COL4A3: variants seen among roughly 807,000 people sequenced by gnomAD.
COL4A3 encodes collagen type IV alpha 3 chain, also known as collagen alpha-3(IV) chain.
Under a neutral mutation model 217.4 loss-of-function variants are expected in COL4A3, and 135 were observed. The ratio of observed to expected loss-of-function variants is 0.62; its 90% CI spans 0.54 to 0.72. The LOEUF is 0.72. Ranked by LOEUF, COL4A3 falls within the 30% of genes least tolerant of loss-of-function variation. The pLI is 0.00. For missense variants in COL4A3, 1,868 were observed against 2,119.9 expected, an observed-to-expected ratio of 0.88 and a Z score of 2.33; for synonymous variants, 690 against 736.3, an observed-to-expected ratio of 0.94 and a Z score of 1.02.
rs2073834886 is a variant in COL4A3, at chr2:227,314,327, A to G, written c.*2457A>G. On this transcript the variant is annotated 3_prime_UTR_variant, in exon 52 of 52. Transcript: ENST00000396578. ...CAGTTGCACTTCTAAGACTTTACTT[A>G]GCAGTAAATTATAGCTCATGTGCAT... 1 of 152,686 alleles carries G rather than the reference A, an allele frequency of 6.5e-6. No individual in the cohort carries two copies. The highest frequency in any genetic ancestry group is 1.5e-5 in the Non-Finnish European group (1 of 68,044). The allele number at this position is 152,686 out of a possible 1,614,324, so 9.5% of individuals were successfully genotyped here. A position where few individuals can be genotyped will look rare whatever the true frequency, so the allele number is the denominator to read the frequency against.
At chr2:227,226,078 G>A (rs2068074793) in intron 1 of COL4A3, among the ~76,000 whole-genome samples, 1 of 152,178 alleles carries the variant, frequency 6.6e-6, no homozygotes. Context: ...TCTGGAATAT[G>A]AGGACAGTAG....
intron 23 of COL4A3, 116 bp downstream of exon 23, chr2:227,267,204 G>C: frequency 1.3e-6 from 1 of 758,794 alleles, no homozygotes; most frequent in Non-Finnish European, 2.3e-6. Context: ...AACTTGGAGG[G>C]AGAGTTTCAA....
chr2:227,218,852 G>T (rs575059089), intron 1 of COL4A3, among the ~76,000 whole-genome samples: 1 of 152,076 alleles, frequency 6.6e-6, no homozygotes, highest in Admixed American at 6.5e-5. Context: ...TTGTATTTTG[G>T]TTGTAAAAAA....
chr2:227,296,097 A>C (rs1267380837), intron 41 of COL4A3, among the ~76,000 whole-genome samples: 3 of 152,224 alleles, frequency 2.0e-5, no homozygotes, highest in African/African-American at 2.4e-5. Flanking sequence ...CTGGATGCCA[A>C]TGAGAAACTC....
chr2:227,266,943 T>G, intron 22 of COL4A3, 50 bp from the exon 23 acceptor site: 2 of 1,253,448 alleles, frequency 1.6e-6, no homozygotes, highest in Middle Eastern at 3.7e-4. Flanking sequence ...TTGTTCTTTC[T>G]GAGGACTCAA....
chr2:227,312,218 A>G lies in COL4A3; in HGVS notation c.*348A>G. On this transcript the variant is annotated 3_prime_UTR_variant, in exon 52 of 52. Coordinates refer to ENST00000396578, the MANE Select transcript of COL4A3 (RefSeq NM_000091.5). Reference sequence around the variant, plus strand: ...AATATTTGGCCCGCTGGATTCCCACATTTGTCTTCTTTCTGTCTTTAAGAC... The same window carrying G: ...AATATTTGGCCCGCTGGATTCCCACGTTTGTCTTCTTTCTGTCTTTAAGAC... The G allele has an allele frequency of 1.7e-5, 5 of 286,894 alleles. No individual in the cohort carries two copies. Among genetic ancestry groups the G allele is most frequent in the South Asian group, 1.7e-4 (5 of 29,648 alleles). The allele number at this position is 286,894 out of a possible 1,614,324, so 17.8% of individuals were successfully genotyped here.
At position 227,241,037 on chromosome 2, in the gene COL4A3, T is replaced by C. The variant is rs1348071962; in HGVS notation, c.234+805T>C. Among the ~76,000 whole-genome samples the C allele has an allele frequency of 1.3e-5, 2 of 152,226 alleles. 1 individual carries two copies. Among genetic ancestry groups the C allele is most frequent in the Non-Finnish European group, 2.9e-5 (2 of 68,044 alleles). ...TTTCTCCTGTCTCTCTATCCTTCCC[T>C]TCCTTTGTGGGTTTCTCTTTTCCTT... On this transcript the variant is annotated intron_variant, in intron 3 of 51. Coordinates refer to ENST00000396578, the MANE Select transcript of COL4A3 (RefSeq NM_000091.5).
rs776228387 is a variant in COL4A3 at position 227,282,732 on chromosome 2, C to T, written c.2656+200C>T. Among the ~76,000 whole-genome samples, 1 of 152,130 alleles carries T rather than the reference C, an allele frequency of 6.6e-6. No homozygotes were observed. The highest frequency in any genetic ancestry group is 1.5e-5 in the Non-Finnish European group (1 of 68,008). On this transcript the variant is annotated intron_variant, in intron 32 of 51. Coordinates refer to ENST00000396578, the MANE Select transcript of COL4A3 (RefSeq NM_000091.5). The surrounding 1 kb of genome is among the most constrained non-coding windows in gnomAD (Gnocchi z 4.4). ...GGATGAACAATTACCCAGAATGTGG[C>T]TATTTTTGCTGTGTAATCCTTTTTA...
At chr2:227,232,141 C>T (rs953324594) in intron 1 of COL4A3, among the ~76,000 whole-genome samples, 3 of 152,176 alleles carry the variant, frequency 2.0e-5, no homozygotes, top group African/African-American at 7.2e-5. Context: ...GACTTGATCT[C>T]CTTCTTTTTT....
Position 227,253,157 on chromosome 2 carries a change from A to T in COL4A3, c.646-139A>T. ...AAACATATCAATGCTCTTCTCTAAGAAATAGCTAAAATATGTATCATTCTA... is the reference window on the plus strand; with the variant it reads ...AAACATATCAATGCTCTTCTCTAAGTAATAGCTAAAATATGTATCATTCTA... On this transcript the variant is annotated intron_variant, in intron 11 of 51. Transcript: ENST00000396578. This position sits in a 1 kb window ranked among gnomAD's most constrained non-coding sequence, Gnocchi z 4.4. 1 of 741,060 alleles carries T rather than the reference A, an allele frequency of 1.3e-6. No individual in the cohort carries two copies. Among genetic ancestry groups the T allele is most frequent in the Admixed American group, 2.5e-5 (1 of 40,012 alleles). 45.9% of individuals were successfully genotyped at this position (741,060 alleles called of 1,614,324 possible).
chr2:227,233,013 ATTTAC>A (rs1282020583), intron 1 of COL4A3, among the ~76,000 whole-genome samples: 2 of 151,982 alleles, frequency 1.3e-5, no homozygotes, highest in African/African-American at 4.8e-5. Flanking sequence ...TATTGTATTT[ATTTAC>A]TTTTTATGTT....
intron 43 of COL4A3, 63 bp downstream of exon 43, chr2:227,298,875 A>G (rs2073153935): frequency 4.3e-6 from 6 of 1,392,202 alleles, no homozygotes; most frequent in Non-Finnish European, 4.9e-6. Flanking sequence ...TTATTCTTAT[A>G]TTGTATATTA....
intron 1 of COL4A3, among the ~76,000 whole-genome samples, chr2:227,230,197 C>A (rs577013952): frequency 4.6e-5 from 7 of 152,178 alleles, no homozygotes; most frequent in Non-Finnish European, 8.8e-5. Flanking sequence ...TTTTTGGATT[C>A]TCTACAATGA....
chr2:227,246,505 T>C (rs1165426286), intron 6 of COL4A3, among the ~76,000 whole-genome samples, 180 bp from the exon 7 acceptor site: 3 of 152,238 alleles, frequency 2.0e-5, no homozygotes, highest in Admixed American at 6.5e-5. Flanking sequence ...ATTCTAATCC[T>C]GTTTTTAATT....
chr2:227,189,132 A>C (rs1577057264), intron 1 of COL4A3, among the ~76,000 whole-genome samples: 1 of 152,180 alleles, frequency 6.6e-6, no homozygotes, highest in East Asian at 1.9e-4. Flanking sequence ...GAGAGAGGCC[A>C]GGGGAGGAAG....
chr2:227,260,914 C>T (rs939239345), intron 19 of COL4A3, among the ~76,000 whole-genome samples, 168 bp from the exon 20 acceptor site: 1 of 152,114 alleles, frequency 6.6e-6, no homozygotes, highest in African/African-American at 2.4e-5. Flanking sequence ...TTAGTTTTCT[C>T]TTGTCTAAAT....
chr2:227,174,292 C>T (rs1284374899), intron 1 of COL4A3, among the ~76,000 whole-genome samples: 1 of 152,150 alleles, frequency 6.6e-6, no homozygotes, highest in East Asian at 1.9e-4. Context: ...AACCAACACA[C>T]CACACCTTGC....
intron 22 of COL4A3, 49 bp from the exon 23 acceptor site, chr2:227,266,944 G>A: frequency 1.6e-6 from 2 of 1,257,672 alleles, no homozygotes; most frequent in Non-Finnish European, 2.3e-6. Flanking sequence ...TGTTCTTTCT[G>A]AGGACTCAAT....
intron 1 of COL4A3, among the ~76,000 whole-genome samples, chr2:227,223,879 T>G (rs1478849051): frequency 5.3e-5 from 8 of 152,174 alleles, no homozygotes; most frequent in African/African-American, 1.9e-4. Flanking sequence ...GTCCTCCACT[T>G]GTGGGGAGAA....
Sources: allele counts gnomAD v4.1 joint callset (sites outside exome capture counted in the v4.1 genomes callset), GRCh38; gene constraint gnomAD v4.1.1; non-coding constraint Gnocchi (gnomAD v3.1); transcripts MANE v1.5; gene names NCBI Gene and HGNC (gene_info 2026-07-23, HGNC 2026-07-21).